Variants in MYH15 observed in about 807,000 individuals in gnomAD.
The protein encoded by MYH15 is myosin heavy chain 15, also known as myosin-15.
MYH15 carries 227 observed loss-of-function variants against 240.5 expected under a neutral mutation model. That is an observed-to-expected ratio of 0.94 (90% confidence interval 0.85 to 1.05). MYH15 has a LOEUF of 1.05. Among genes scored for constraint, MYH15 ranks in the 50% least tolerant of loss-of-function variants. The pLI is 0.00. For missense variants in MYH15, 2,217 were observed against 2,247.5 expected, an observed-to-expected ratio of 0.99 and a Z score of 0.27; for synonymous variants, 785 against 796.7, an observed-to-expected ratio of 0.99 and a Z score of 0.25.
rs6762345 is a variant in MYH15, at chr3:108,487,854, C to A, written c.872-1328G>T. 4.5e-3 allele frequency among the ~76,000 whole-genome samples: 690 copies of A among 152,062 alleles called. 6 individuals are homozygous for A. Among genetic ancestry groups the A allele is most frequent in the African/African-American group, 0.013 (519 of 41,478 alleles). The stretch of plus-strand genomic sequence containing the variant: ...TATAAAACTTTAAAAATAAAATTGG[C>A]CTAGCTTAAATCCAGCAGAAGGTGA... On this transcript the variant is annotated intron_variant, in intron 9 of 40. Coordinates refer to ENST00000693548, the MANE Select transcript of MYH15 (RefSeq NM_014981.3).
chr3:108,467,182 T>C (rs774458055), intron 14 of MYH15, among the ~76,000 whole-genome samples: 7 of 151,772 alleles, frequency 4.6e-5, no homozygotes, highest in African/African-American at 1.7e-4. Context: ...TTCTGGGAAC[T>C]TGACTGCTTT....
At chr3:108,466,819 T>C (rs2083123003) in intron 14 of MYH15, among the ~76,000 whole-genome samples, 1 of 152,134 alleles carries the variant, frequency 6.6e-6, no homozygotes, top group Non-Finnish European at 1.5e-5. Flanking sequence ...TGAGCATAAG[T>C]GGCTAATAAA....
intron 21 of MYH15, 142 bp from the exon 22 acceptor site, chr3:108,445,037 C>T: frequency 2.1e-6 from 2 of 949,728 alleles, no homozygotes; most frequent in East Asian, 2.7e-5. Flanking sequence ...TATATCTGGA[C>T]TTTCACTTGA....
intron 7 of MYH15, 121 bp downstream of exon 7, chr3:108,495,659 A>G: frequency 1.7e-6 from 1 of 573,280 alleles, no homozygotes; most frequent in Non-Finnish European, 2.9e-6. Flanking sequence ...AACATTACAG[A>G]CTTTAATCAA....
At chr3:108,383,869 G>A in intron 39 of MYH15, 140 bp from the exon 40 acceptor site, 1 of 657,970 alleles carries the variant, frequency 1.5e-6, no homozygotes, top group Admixed American at 3.5e-5. Context: ...TCATATTTTG[G>A]TATGATATAT....
chr3:108,487,979 T>C (rs1472728306), intron 9 of MYH15, among the ~76,000 whole-genome samples: 1 of 152,184 alleles, frequency 6.6e-6, no homozygotes, highest in Non-Finnish European at 1.5e-5. Flanking sequence ...ATTGTATATA[T>C]TTATGGTGTA....
At chr3:108,446,847 CAAAAGAATA>C (rs900221296) in intron 21 of MYH15, among the ~76,000 whole-genome samples, 6 of 151,780 alleles carry the variant, frequency 4.0e-5, no homozygotes, top group African/African-American at 1.5e-4. Flanking sequence ...CAGGAACACA[CAAAAGAATA>C]AAAAGAATAA....
intron 14 of MYH15, among the ~76,000 whole-genome samples, chr3:108,469,051 T>G (rs916443181): frequency 1.3e-5 from 2 of 152,172 alleles, no homozygotes; most frequent in African/African-American, 4.8e-5. Flanking sequence ...CCCAGGAAGT[T>G]CACTTGTTAT....
intron 1 of MYH15, among the ~76,000 whole-genome samples, chr3:108,522,042 G>A (rs2083622874): frequency 6.6e-6 from 1 of 152,146 alleles, no homozygotes; most frequent in Admixed American, 6.6e-5. Flanking sequence ...GGTTTTAAGA[G>A]GGGTTTAGTT....
chr3:108,434,302 C>T (rs995584712), intron 25 of MYH15, among the ~76,000 whole-genome samples: 3 of 150,604 alleles, frequency 2.0e-5, no homozygotes, highest in Non-Finnish European at 4.4e-5. Context: ...CCTGCCTCAG[C>T]GTTCTGAGCA....
intron 20 of MYH15, among the ~76,000 whole-genome samples, chr3:108,455,465 T>C (rs1020564461): frequency 3.3e-5 from 5 of 152,192 alleles, no homozygotes; most frequent in Non-Finnish European, 7.3e-5. Flanking sequence ...TCTCATAACA[T>C]CAGGTTGATT....
chr3:108,468,131 AATTTTTGT>A (rs2083137495), intron 14 of MYH15, among the ~76,000 whole-genome samples: 1 of 152,032 alleles, frequency 6.6e-6, no homozygotes, highest in Non-Finnish European at 1.5e-5. Context: ...ACATCTGGCT[AATTTTTGT>A]ATTTTGAGTA....
chr3:108,537,571 G>C, the MYH15 span, among the ~76,000 whole-genome samples: 41 of 152,154 alleles, frequency 2.7e-4, no homozygotes, highest in Non-Finnish European at 4.3e-4. Flanking sequence ...TCTGCCACGT[G>C]AGGACACAGC....
intron 35 of MYH15, among the ~76,000 whole-genome samples, chr3:108,394,710 C>A (rs1486583886): frequency 6.6e-6 from 1 of 152,164 alleles, no homozygotes; most frequent in Non-Finnish European, 1.5e-5. Flanking sequence ...ACCCTCATTA[C>A]CACGGAGGAT....
intron 12 of MYH15, among the ~76,000 whole-genome samples, chr3:108,473,744 T>C (rs551076636): frequency 6.6e-6 from 1 of 152,216 alleles, no homozygotes; most frequent in Non-Finnish European, 1.5e-5. Flanking sequence ...GTTAGAAATA[T>C]CATGGAATCA....
intron 21 of MYH15, among the ~76,000 whole-genome samples, chr3:108,446,624 A>G (rs1490411563): frequency 6.6e-6 from 1 of 152,232 alleles, no homozygotes; most frequent in Admixed American, 6.5e-5. Flanking sequence ...CAAAGTAACA[A>G]CTGGAGAAAG....
At chr3:108,529,406 G>A, upstream of MYH15, 1 of 658,264 alleles carries the variant, frequency 1.5e-6, no homozygotes. Flanking sequence ...GAATAAAGAG[G>A]TGGAAACATA....
intron 14 of MYH15, 99 bp downstream of exon 14, chr3:108,469,943 C>T (rs1444700201): frequency 1.7e-6 from 2 of 1,205,580 alleles, no homozygotes; most frequent in African/African-American, 1.6e-5. Flanking sequence ...CCCCCATTTC[C>T]CATCCTCTGA....
intron 35 of MYH15, among the ~76,000 whole-genome samples, chr3:108,395,635 C>T (rs375795451): frequency 3.6e-4 from 49 of 135,438 alleles, no homozygotes; most frequent in Non-Finnish European, 4.4e-4. Context: ...TTTTTTCTTT[C>T]TTTTTTTTTT....
Sources: gnomAD v4.1 joint callset for allele counts (sites outside exome capture counted in the v4.1 genomes callset) on GRCh38, gnomAD v4.1.1 for gene constraint, MANE v1.5 for transcripts, NCBI Gene and HGNC (gene_info 2026-07-23, HGNC 2026-07-21) for gene names.